Variants in UNC13C observed in about 807,000 individuals in gnomAD.
UNC13C encodes the protein unc-13 homolog C, also known as protein unc-13 homolog C.
A neutral mutation model predicts 245.4 loss-of-function variants in UNC13C; 174 were observed. The observed-to-expected ratio is 0.71, with a 90% CI of 0.63 to 0.80. The LOEUF (loss-of-function observed/expected upper bound fraction) is 0.80, where lower values mean the gene tolerates loss of function less well. UNC13C is among the 30% of genes least tolerant of loss of function. The pLI, the probability that UNC13C is intolerant of heterozygous loss-of-function variation, is 0.00. For synonymous variants in UNC13C, 992 were observed against 895.1 expected (o/e 1.11, Z -1.93); for missense variants, 2,829 against 2,602.9 (o/e 1.09, Z -1.89).
chr15:54,503,949 T>G (rs548455717), intron 22 of UNC13C, among the ~76,000 whole-genome samples: 1 of 152,146 alleles, frequency 6.6e-6, no homozygotes, highest in African/African-American at 2.4e-5. Flanking sequence ...TAAAAATTTT[T>G]GCATTTTAAA....
At chr15:54,309,312 A>G (rs985098258) in intron 13 of UNC13C, among the ~76,000 whole-genome samples, 11 of 151,934 alleles carry the variant, frequency 7.2e-5, no homozygotes, top group African/African-American at 2.4e-4. Flanking sequence ...CTTCAGGGAA[A>G]TATCTATTCA....
intron 30 of UNC13C, among the ~76,000 whole-genome samples, chr15:54,618,275 A>G (rs1407300060): frequency 6.6e-6 from 1 of 152,134 alleles, no homozygotes; most frequent in Admixed American, 6.6e-5. Flanking sequence ...CTGTCAGTGT[A>G]TGCTCACAAG....
intron 4 of UNC13C, among the ~76,000 whole-genome samples, chr15:54,217,384 A>C (rs1446154308): frequency 6.6e-6 from 1 of 151,894 alleles, no homozygotes; most frequent in African/African-American, 2.4e-5. Context: ...AAGCGTAGTC[A>C]GAAGAGGAAA....
chr15:54,589,567 G>A (rs1898672190), intron 30 of UNC13C, among the ~76,000 whole-genome samples: 1 of 151,964 alleles, frequency 6.6e-6, no homozygotes, highest in South Asian at 2.1e-4. Context: ...AAAGTGCTGG[G>A]ATTACAGGCA....
chr15:54,279,838 A>G (rs1355979475), intron 10 of UNC13C, among the ~76,000 whole-genome samples: 1 of 152,210 alleles, frequency 6.6e-6, no homozygotes, highest in Non-Finnish European at 1.5e-5. Context: ...ATAGAAAAGT[A>G]TTGCATGAAT....
chr15:54,229,064 A>C (rs951113466), intron 4 of UNC13C, among the ~76,000 whole-genome samples: 1 of 152,086 alleles, frequency 6.6e-6, no homozygotes, highest in African/African-American at 2.4e-5. Flanking sequence ...GCTGGTGTAA[A>C]TGCTCCTTCT....
intron 6 of UNC13C, among the ~76,000 whole-genome samples, chr15:54,237,344 G>A (rs1463962799): frequency 3.9e-5 from 6 of 152,082 alleles, no homozygotes; most frequent in Admixed American, 2.6e-4. Context: ...GAGGGGGCTG[G>A]TCATCTTAAG....
intron 19 of UNC13C, among the ~76,000 whole-genome samples, chr15:54,437,877 C>G (rs776257823): frequency 6.6e-6 from 1 of 151,936 alleles, no homozygotes; most frequent in Non-Finnish European, 1.5e-5. Context: ...AAGGTACTTA[C>G]AAGCAGCTCA....
intron 19 of UNC13C, among the ~76,000 whole-genome samples, chr15:54,458,521 T>G (rs1229576457): frequency 2.0e-5 from 3 of 152,088 alleles, no homozygotes; most frequent in African/African-American, 7.2e-5. Flanking sequence ...TGTTGCCATC[T>G]ATCTCATTTC....
intron 13 of UNC13C, among the ~76,000 whole-genome samples, chr15:54,317,704 C>G (rs576435010): frequency 6.6e-6 from 1 of 151,842 alleles, no homozygotes; most frequent in Non-Finnish European, 1.5e-5. Flanking sequence ...AGCTGATTAA[C>G]GTATACATCA....
intron 23 of UNC13C, 131 bp from the exon 24 acceptor site, chr15:54,511,622 G>T (rs1433666761): frequency 6.5e-6 from 4 of 618,124 alleles, no homozygotes; most frequent in Non-Finnish European, 1.1e-5. Context: ...TGTTGAAATA[G>T]CAGAATTAGT....
chr15:53,952,534 TG>T, the UNC13C span, among the ~76,000 whole-genome samples: 1 of 152,250 alleles, frequency 6.6e-6, no homozygotes, highest in South Asian at 2.1e-4. Context: ...TCTCAAATTT[TG>T]ATGGTTATTT....
chr15:54,251,890 T>G (rs1333411309), intron 8 of UNC13C, among the ~76,000 whole-genome samples: 1 of 152,186 alleles, frequency 6.6e-6, no homozygotes, highest in African/African-American at 2.4e-5. Context: ...ATTAGTATTC[T>G]CCATACAAGA....
At chr15:53,983,554 C>A (rs972089147) in intron 1 of UNC13C, among the ~76,000 whole-genome samples, 6 of 152,052 alleles carry the variant, frequency 3.9e-5, no homozygotes, top group Non-Finnish European at 8.8e-5. Context: ...TACACAAAAA[C>A]TTGCCACAGT....
chr15:54,395,442 C>T (rs1438489700), intron 18 of UNC13C, among the ~76,000 whole-genome samples: 1 of 151,736 alleles, frequency 6.6e-6, no homozygotes, highest in East Asian at 1.9e-4. Context: ...GATCTGAGCC[C>T]CATCCCAAAT....
chr15:54,333,554 G>T (rs1249431214), intron 15 of UNC13C, among the ~76,000 whole-genome samples: 1 of 151,980 alleles, frequency 6.6e-6, no homozygotes, highest in Non-Finnish European at 1.5e-5. Flanking sequence ...AAATAGAAGA[G>T]TGCAGCTTTC....
chr15:54,366,971 C>T (rs1489287995), intron 17 of UNC13C, among the ~76,000 whole-genome samples: 2 of 152,110 alleles, frequency 1.3e-5, no homozygotes, highest in Non-Finnish European at 2.9e-5. Flanking sequence ...CAACTGTCTT[C>T]TCACAGGAAA....
At chr15:54,564,792 G>A (rs1186259110) in intron 29 of UNC13C, among the ~76,000 whole-genome samples, 5 of 151,942 alleles carry the variant, frequency 3.3e-5, no homozygotes, top group African/African-American at 1.2e-4. Context: ...GTTAATAAGC[G>A]TTGGGAATTT....
At chr15:53,912,645 T>C in the UNC13C span, 1 of 152,106 alleles carries the variant, frequency 6.6e-6, no homozygotes, top group Non-Finnish European at 1.5e-5. Context: ...GCCAGAGAAT[T>C]TGGAATCCTG....
Sources: gnomAD v4.1 joint callset for allele counts (sites outside exome capture counted in the v4.1 genomes callset) on GRCh38, gnomAD v4.1.1 for gene constraint, MANE v1.5 for transcripts, NCBI Gene and HGNC (gene_info 2026-07-23, HGNC 2026-07-21) for gene names.